Variants in KDM4B observed in about 807,000 individuals in gnomAD.
KDM4B encodes lysine-specific demethylase 4B.
Under a neutral mutation model 125.2 loss-of-function variants are expected in KDM4B, and 32 were observed. The ratio of observed to expected loss-of-function variants is 0.26; its 90% CI spans 0.19 to 0.34. KDM4B has a LOEUF of 0.34. Among genes scored for constraint, KDM4B ranks in the 10% least tolerant of loss-of-function variants. The pLI is 1.00. For synonymous variants in KDM4B, 721 were observed against 677.9 expected (o/e 1.06, Z -0.99); for missense variants, 1,190 against 1,577.7 (o/e 0.75, Z 4.16).
intron 6 of KDM4B, among the ~76,000 whole-genome samples, chr19:5,048,876 G>A (rs752171545): frequency 3.9e-5 from 6 of 152,176 alleles, no homozygotes; most frequent in East Asian, 3.9e-4. Context: ...GCGAGCAGCC[G>A]GCAAGGAGGC....
intron 9 of KDM4B, among the ~76,000 whole-genome samples, chr19:5,099,641 T>C (rs771175006): frequency 1.2e-4 from 19 of 152,322 alleles, no homozygotes; most frequent in Non-Finnish European, 2.4e-4. Flanking sequence ...CAGGGGCTTC[T>C]TGAGAAAGGA....
intron 2 of KDM4B, among the ~76,000 whole-genome samples, chr19:5,023,370 C>T (rs779624137): frequency 4.6e-5 from 7 of 152,208 alleles, no homozygotes; most frequent in Non-Finnish European, 8.8e-5. Flanking sequence ...GCTCGTGGGA[C>T]GTGGTGATGC....
chr19:5,135,652 G>A, intron 15 of KDM4B, 91 bp downstream of exon 15: 1 of 1,086,018 alleles, frequency 9.2e-7, no homozygotes, highest in Non-Finnish European at 1.3e-6. Context: ...CCCTGCGGAG[G>A]GCCACACCGG....
Position 5,138,076 on chromosome 19 carries a change from T to G in KDM4B, c.2550+6T>G, listed in dbSNP as rs1599259884. On this transcript the variant is annotated splice_donor_region_variant and intron_variant, in intron 18 of 22. Transcript: ENST00000159111. ...CCGAGCAGCGGTGGAAGCTGGTAGG[T>G]CCTTGCGGTCGAGGCCCACCCTGCC... The G allele has an allele frequency of 6.2e-7, 1 of 1,608,032 alleles. No individual in the cohort carries two copies. The highest frequency in any genetic ancestry group is 8.5e-7 in the Non-Finnish European group (1 of 1,177,362).
At chr19:5,111,842 A>G (rs1392092144) in intron 10 of KDM4B, 4 of 764,754 alleles carry the variant, frequency 5.2e-6, no homozygotes, top group Non-Finnish European at 7.2e-6. Context: ...GATGATAGAC[A>G]GCGAAGAAAT....
rs1287886252 is a variant in KDM4B, at chr19:5,081,766, C to A, written c.781-601C>A. 6.6e-6 allele frequency among the ~76,000 whole-genome samples: 1 copy of A among 152,162 alleles called. No homozygotes were observed. The highest frequency in any genetic ancestry group is 1.5e-5 in the Non-Finnish European group (1 of 68,024). ...ACAATTGAAAGATGGCTTGGGATGGCGGCGTGTCGCAGGCCCCTTCCTGGC... is the reference window on the plus strand; with the variant it reads ...ACAATTGAAAGATGGCTTGGGATGGAGGCGTGTCGCAGGCCCCTTCCTGGC... On this transcript the variant is annotated intron_variant, in intron 8 of 22. Coordinates refer to ENST00000159111, the MANE Select transcript of KDM4B (RefSeq NM_015015.3). The surrounding 1 kb of genome is among the most constrained non-coding windows in gnomAD (Gnocchi z 4.2).
intron 1 of KDM4B, among the ~76,000 whole-genome samples, chr19:4,981,212 C>G (rs541273205): frequency 6.6e-6 from 1 of 152,256 alleles, no homozygotes; most frequent in Non-Finnish European, 1.5e-5. Flanking sequence ...CCCCAGCTGA[C>G]CACAGCTCTG....
intron 3 of KDM4B, among the ~76,000 whole-genome samples, chr19:5,034,268 C>T (rs974038582): frequency 5.3e-5 from 8 of 152,204 alleles, no homozygotes; most frequent in Admixed American, 5.2e-4. Context: ...GAAGATGAAT[C>T]GTCGTTGCAT....
At position 5,142,595 on chromosome 19, in the gene KDM4B, C is replaced by T. The variant is rs776442156; in HGVS notation, c.2551-1372C>T. Among the ~76,000 whole-genome samples the T allele has an allele frequency of 3.3e-5, 5 of 151,926 alleles. No individual in the cohort carries two copies. Among genetic ancestry groups the T allele is most frequent in the African/African-American group, 7.3e-5 (3 of 41,374 alleles). On this transcript the variant is annotated intron_variant, in intron 18 of 22. Coordinates refer to ENST00000159111, the MANE Select transcript of KDM4B (RefSeq NM_015015.3). The surrounding 1 kb of genome is among the most constrained non-coding windows in gnomAD (Gnocchi z 5.4). ...CCGAGGGGTGGAGGCCTGTGGGTGA[C>T]GTGTTCAAGACGGCTCAGCAACCCC...
intron 21 of KDM4B, among the ~76,000 whole-genome samples, chr19:5,150,023 G>A (rs1036262815): frequency 2.0e-5 from 3 of 152,194 alleles, no homozygotes; most frequent in African/African-American, 7.2e-5. Context: ...ACCTTGTCCT[G>A]GGGCTGTGTC....
intron 1 of KDM4B, among the ~76,000 whole-genome samples, chr19:4,991,286 C>T (rs2035024510): frequency 6.6e-6 from 1 of 150,846 alleles, no homozygotes. Flanking sequence ...GGTGAAATAG[C>T]CCTCATATTA....
At chr19:5,017,780 A>G (rs748805718) in intron 2 of KDM4B, among the ~76,000 whole-genome samples, 4 of 152,192 alleles carry the variant, frequency 2.6e-5, no homozygotes, top group Non-Finnish European at 2.9e-5. Flanking sequence ...TCCCTCTGTC[A>G]CCCAGGCTGG....
chr19:5,121,540 C>T (rs576355276), intron 11 of KDM4B, among the ~76,000 whole-genome samples: 1 of 152,326 alleles, frequency 6.6e-6, no homozygotes, highest in South Asian at 2.1e-4. Context: ...TCTCGCCCCT[C>T]ATCTGCGAGC....
At chr19:5,034,840 A>G (rs1568243556) in intron 3 of KDM4B, among the ~76,000 whole-genome samples, 1 of 152,114 alleles carries the variant, frequency 6.6e-6, no homozygotes, top group African/African-American at 2.4e-5. Context: ...CTGTTTTGAG[A>G]GGGGGTCTGG....
chr19:5,008,760 T>C (rs959879899), intron 1 of KDM4B, among the ~76,000 whole-genome samples: 2 of 150,886 alleles, frequency 1.3e-5, no homozygotes, highest in African/African-American at 4.9e-5. Flanking sequence ...TTGGCTAATT[T>C]TTTTTTTTTT....
At chr19:5,105,111 G>T (rs2039009926) in intron 9 of KDM4B, among the ~76,000 whole-genome samples, 1 of 152,216 alleles carries the variant, frequency 6.6e-6, no homozygotes, top group Non-Finnish European at 1.5e-5. Context: ...GGGGCAGCGT[G>T]CCCACAGTAC....
chr19:5,001,514 C>T (rs1488663136), intron 1 of KDM4B, among the ~76,000 whole-genome samples: 1 of 152,216 alleles, frequency 6.6e-6, no homozygotes, highest in East Asian at 1.9e-4. Flanking sequence ...TGTTTCCAGG[C>T]TCTTACGGTG....
intron 1 of KDM4B, among the ~76,000 whole-genome samples, chr19:4,981,139 C>CT (rs1375576638): frequency 6.6e-6 from 1 of 152,160 alleles, no homozygotes; most frequent in Non-Finnish European, 1.5e-5. Flanking sequence ...CAGTGGGGCC[C>CT]TGGCAGGGAC....
Position 5,084,454 on chromosome 19 carries a change from A to T in KDM4B, c.918+1950A>T, listed in dbSNP as rs1014420273. On this transcript the variant is annotated intron_variant, in intron 9 of 22. Coordinates refer to ENST00000159111, the MANE Select transcript of KDM4B (RefSeq NM_015015.3). Reference sequence around the variant, plus strand: ...AAATATAAATTATATATGTTATAATAATTTATATATTATATATAAATATAA... The same window carrying T: ...AAATATAAATTATATATGTTATAATTATTTATATATTATATATAAATATAA... Among the ~76,000 whole-genome samples, 7 of 140,322 alleles carry T rather than the reference A, an allele frequency of 5.0e-5. No individual in the cohort carries two copies. In the East Asian group the frequency reaches 1.4e-3, roughly 28 times the overall value. 92.1% of individuals were successfully genotyped at this position (140,322 alleles called of 152,430 possible). A position where few individuals can be genotyped will look rare whatever the true frequency, so the allele number is the denominator to read the frequency against.
Sources: gnomAD v4.1 joint callset for allele counts (sites outside exome capture counted in the v4.1 genomes callset) on GRCh38, gnomAD v4.1.1 for gene constraint, Gnocchi (gnomAD v3.1) non-coding constraint, MANE v1.5 for transcripts, NCBI Gene and HGNC (gene_info 2026-07-23, HGNC 2026-07-21) for gene names.